Variants in TBC1D12 observed in about 807,000 individuals in gnomAD.
The protein encoded by TBC1D12 is TBC1 domain family member 12, also known as TBC1 domain family, member 12.
A neutral mutation model predicts 86.7 loss-of-function variants in TBC1D12; 56 were observed. That is an observed-to-expected ratio of 0.65 (90% CI 0.52 to 0.81). The LOEUF (loss-of-function observed/expected upper bound fraction) is 0.81, where lower values mean the gene tolerates loss of function less well. Among genes scored for constraint, TBC1D12 ranks in the 30% least tolerant of loss-of-function variants. The pLI, the probability that TBC1D12 is intolerant of heterozygous loss-of-function variation, is 0.00. For missense variants in TBC1D12, 1,023 were observed against 1,038.8 expected (o/e 0.98, Z 0.21); for synonymous variants, 421 against 411.7 (o/e 1.02, Z -0.27).
chr10:94,411,613 T>G (rs1208437992), intron 1 of TBC1D12, among the ~76,000 whole-genome samples: 1 of 152,182 alleles, frequency 6.6e-6, no homozygotes, highest in African/African-American at 2.4e-5. Context: ...GATTCTCTAA[T>G]TCACAGCCTC....
intron 9 of TBC1D12, among the ~76,000 whole-genome samples, chr10:94,514,907 CT>C (rs1168629833): frequency 0.019 from 2,469 of 127,190 alleles, 22 homozygotes; most frequent in African/African-American, 0.066. Context: ...TTTTTTTTTT[CT>C]TTTTTTTTTT....
intron 1 of TBC1D12, among the ~76,000 whole-genome samples, chr10:94,423,828 G>C (rs528749380): frequency 1.3e-5 from 2 of 152,260 alleles, no homozygotes; most frequent in South Asian, 2.1e-4. Flanking sequence ...TACTGTTTCA[G>C]AGAAGGAATG....
Position 94,426,456 on chromosome 10 carries a change from G to A in TBC1D12, c.972-15440G>A, listed in dbSNP as rs372617043. 1.6e-4 allele frequency among the ~76,000 whole-genome samples: 25 copies of A among 152,162 alleles called. No homozygotes were observed. In the South Asian group the frequency reaches 4.8e-3, roughly 29 times the overall value. The stretch of plus-strand genomic sequence containing the variant: ...TAATTGTGTGGGTTTTTCTCATTTA[G>A]ACTGTGAATAAAATTGGATTCATCA... On this transcript the variant is annotated intron_variant, in intron 1 of 12. Coordinates refer to ENST00000225235, the MANE Select transcript of TBC1D12 (RefSeq NM_015188.2).
At chr10:94,480,217 G>T (rs994511968) in intron 3 of TBC1D12, among the ~76,000 whole-genome samples, 30 of 152,292 alleles carry the variant, frequency 2.0e-4, no homozygotes, top group African/African-American at 6.5e-4. Flanking sequence ...TTTGGGGAAG[G>T]CTGGGAGAAA....
intron 11 of TBC1D12, 33 bp from the exon 12 acceptor site, chr10:94,531,169 A>T: frequency 6.3e-7 from 1 of 1,590,068 alleles, no homozygotes; most frequent in Non-Finnish European, 8.6e-7. Context: ...ATGAATGAAA[A>T]ATTTCAGTGA....
chr10:94,498,687 C>T (rs1017666957), intron 5 of TBC1D12, among the ~76,000 whole-genome samples: 1 of 152,022 alleles, frequency 6.6e-6, no homozygotes, highest in Non-Finnish European at 1.5e-5. Context: ...AACTCCTGGC[C>T]TCAAGTGATC....
At position 94,475,093 on chromosome 10, in the gene TBC1D12, T is replaced by G. The variant is rs535521801; in HGVS notation, c.1211+310T>G. ...GCCCTAGTAGAGAGTATATTGTTGT[T>G]GTCTAAGACTTACGCATATTTTCTA... On this transcript the variant is annotated intron_variant, in intron 3 of 12. Coordinates refer to ENST00000225235, the MANE Select transcript of TBC1D12 (RefSeq NM_015188.2). Among the ~76,000 whole-genome samples, 5 of 152,306 alleles carry G rather than the reference T, an allele frequency of 3.3e-5. No homozygotes were observed. The South Asian group carries it at 8.3e-4, about 25-fold the overall frequency.
intron 2 of TBC1D12, among the ~76,000 whole-genome samples, chr10:94,444,800 C>T (rs561366086): frequency 1.3e-4 from 20 of 149,812 alleles, no homozygotes; most frequent in African/African-American, 4.9e-4. Flanking sequence ...GGCACGATCT[C>T]GGCTCACTGC....
chr10:94,491,915 A>C (rs1168864590), intron 3 of TBC1D12, among the ~76,000 whole-genome samples: 1 of 108,700 alleles, frequency 9.2e-6, no homozygotes, highest in Non-Finnish European at 2.2e-5. Context: ...CAAATTAATA[A>C]GAAAAAAAAA....
At position 94,471,176 on chromosome 10, in the gene TBC1D12, C is replaced by G. The variant is rs141760698; in HGVS notation, c.1096-3492C>G. Among the ~76,000 whole-genome samples the G allele has an allele frequency of 8.6e-4, 129 of 150,182 alleles. 1 individual carries two copies. Among genetic ancestry groups the G allele is most frequent in the African/African-American group, 3.0e-3 (123 of 40,834 alleles). Reference sequence around the variant, plus strand: ...CTGTAATCTCAGCTACTCAGGAGGCCAAGGCAGGAGAATGGCTTGAACCCT... The same window carrying G: ...CTGTAATCTCAGCTACTCAGGAGGCGAAGGCAGGAGAATGGCTTGAACCCT... On this transcript the variant is annotated intron_variant, in intron 2 of 12. Coordinates refer to ENST00000225235, the MANE Select transcript of TBC1D12 (RefSeq NM_015188.2).
At chr10:94,406,103 C>A (rs2054850768) in intron 1 of TBC1D12, among the ~76,000 whole-genome samples, 1 of 151,998 alleles carries the variant, frequency 6.6e-6, no homozygotes, top group Admixed American at 6.6e-5. Context: ...GAACCACTGC[C>A]CCAGCCAACA....
chr10:94,426,476 T>A (rs2055147951), intron 1 of TBC1D12, among the ~76,000 whole-genome samples: 1 of 152,188 alleles, frequency 6.6e-6, no homozygotes, highest in Admixed American at 6.6e-5. Context: ...AAAATTGGAT[T>A]CATCAATGAC....
rs553514023 is a variant in TBC1D12 at position 94,511,529 on chromosome 10, T to G, written c.1690-54T>G. On this transcript the variant is annotated intron_variant, in intron 8 of 12. Coordinates refer to ENST00000225235, the MANE Select transcript of TBC1D12 (RefSeq NM_015188.2). ...AGTTTATTAACATGTTATATGAAAA[T>G]TAACTTAGAGAAAATTATTTGTACA... 55 of 1,128,938 alleles carry G rather than the reference T, an allele frequency of 4.9e-5. 1 individual carries two copies. The South Asian group carries it at 6.3e-4, about 13-fold the overall frequency. The allele number at this position is 1,128,938 out of a possible 1,614,324, so 69.9% of individuals were successfully genotyped here. A position where few individuals can be genotyped will look rare whatever the true frequency, so the allele number is the denominator to read the frequency against.
chr10:94,521,376 T>C (rs1258126436), intron 9 of TBC1D12, among the ~76,000 whole-genome samples: 1 of 152,180 alleles, frequency 6.6e-6, no homozygotes, highest in Admixed American at 6.5e-5. Context: ...TGCCTTTCCT[T>C]ACTCCAGCTG....
intron 10 of TBC1D12, 53 bp from the exon 11 acceptor site, chr10:94,522,291 C>T: frequency 8.8e-7 from 1 of 1,133,000 alleles, no homozygotes; most frequent in South Asian, 1.8e-5. Flanking sequence ...CGTTTAATTT[C>T]TTTATTTCTA....
Position 94,402,631 on chromosome 10 carries a change from T to G in TBC1D12, c.18T>G (p.Asp6Glu). 6.2e-7 allele frequency: 1 copy of G among 1,611,830 alleles called. No homozygotes were observed. Among genetic ancestry groups the G allele is most frequent in the Non-Finnish European group, 8.5e-7 (1 of 1,179,638 alleles). The change falls in exon 1 of 13, where the codon GAT (aspartate) becomes GAG (glutamate). Residue 6 changes from aspartate (D) to glutamate (E), a missense_variant. Asp to Glu is a conservative substitution (Grantham distance 45). This residue lies in a region of TBC1D12 where 628 missense variants were observed against 531.1 expected (regional missense o/e 1.18). Transcript: ENST00000225235. Reference sequence around the variant, plus strand: ...ACCCCCAGATGGTGGGTCCGGAGGATGCCGGAGCCTGCTCGGGAAGAAACC... The same window carrying G: ...ACCCCCAGATGGTGGGTCCGGAGGAGGCCGGAGCCTGCTCGGGAAGAAACC... MVGPEDAGACSGRNPK... is the reference protein window; with the variant it reads MVGPEEAGACSGRNPK...
chr10:94,420,366 T>C (rs1486197625), intron 1 of TBC1D12, among the ~76,000 whole-genome samples: 1 of 152,238 alleles, frequency 6.6e-6, no homozygotes, highest in East Asian at 1.9e-4. Flanking sequence ...AAGTCGATGA[T>C]ATTTTGTTAT....
chr10:94,425,153 T>G (rs1262867116), intron 1 of TBC1D12, among the ~76,000 whole-genome samples: 3 of 152,216 alleles, frequency 2.0e-5, no homozygotes, highest in Admixed American at 2.0e-4. Flanking sequence ...GGTTTGCAAG[T>G]CCATCTTCAA....
chr10:94,515,428 C>T (rs1161249239), intron 9 of TBC1D12, among the ~76,000 whole-genome samples: 3 of 151,010 alleles, frequency 2.0e-5, no homozygotes, highest in Non-Finnish European at 4.4e-5. Context: ...GCTCACTGCA[C>T]CCTCCACCTT....
Sources: gnomAD v4.1 joint callset for allele counts (sites outside exome capture counted in the v4.1 genomes callset) on GRCh38, gnomAD v4.1.1 for gene constraint, gnomAD v4.1.1 regional missense constraint, MANE v1.5 for transcripts, NCBI Gene and HGNC (gene_info 2026-07-23, HGNC 2026-07-21) for gene names.